The following RNLS variants were observed in gnomAD, a reference collection of about 807,000 sequenced individuals.
The protein encoded by RNLS is renalase.
A neutral mutation model predicts 39.8 loss-of-function variants in RNLS; 39 were observed. The ratio of observed to expected loss-of-function variants is 0.98; its 90% CI spans 0.76 to 1.28. RNLS has a LOEUF of 1.28. Ranked by LOEUF, RNLS falls within the 50% of genes most tolerant of loss-of-function variation. The probability of loss-of-function intolerance (pLI) is 0.00; values close to 1 mark genes in which losing one functional copy is unlikely to be tolerated. For synonymous variants in RNLS, 147 were observed against 150.7 expected (o/e 0.98, Z 0.18); for missense variants, 410 against 413.3 (o/e 0.99, Z 0.07).
chr10:88,361,072 T>G lies in RNLS; in HGVS notation c.700+1480A>C, dbSNP rs749740933. On this transcript the variant is annotated intron_variant, in intron 5 of 6. Coordinates refer to ENST00000331772, the MANE Select transcript of RNLS (RefSeq NM_001031709.3). ...TTTGGCTTAGCTGGGGCTATCTTCC[T>G]GGCTTGCAGACAGCTGCCTTCTTAC... Among the ~76,000 whole-genome samples the G allele has an allele frequency of 1.4e-3, 207 of 152,330 alleles. 1 individual carries two copies. Among genetic ancestry groups the G allele is most frequent in the Middle Eastern group, 3.4e-3 (1 of 294 alleles).
the RNLS span, among the ~76,000 whole-genome samples, chr10:88,208,484 C>T: frequency 6.6e-6 from 1 of 152,040 alleles, no homozygotes; most frequent in Non-Finnish European, 1.5e-5. Context: ...TCCCCTAGAG[C>T]CACTGTAGTT....
chr10:88,302,558 A>G (rs1194583380), intron 6 of RNLS, among the ~76,000 whole-genome samples: 1 of 152,190 alleles, frequency 6.6e-6, no homozygotes, highest in Non-Finnish European at 1.5e-5. Flanking sequence ...TTTAATTGTT[A>G]AGACTGACCA....
chr10:88,497,172 G>A (rs997973025), intron 4 of RNLS, among the ~76,000 whole-genome samples: 2 of 151,912 alleles, frequency 1.3e-5, no homozygotes, highest in East Asian at 1.9e-4. Context: ...GAAGACAAAC[G>A]GAAATTGTTG....
intron 4 of RNLS, among the ~76,000 whole-genome samples, chr10:88,540,953 T>C (rs1848003313): frequency 6.6e-6 from 1 of 151,420 alleles, no homozygotes; most frequent in African/African-American, 2.4e-5. Flanking sequence ...AGTCACATTT[T>C]GTTATATTAT....
chr10:88,297,682 TA>T (rs911653302), intron 6 of RNLS, among the ~76,000 whole-genome samples: 3 of 152,344 alleles, frequency 2.0e-5, no homozygotes, highest in African/African-American at 7.2e-5. Context: ...CATCCCTTTT[TA>T]TGGCTGAATG....
At chr10:88,372,008 A>G (rs1454956677) in intron 4 of RNLS, among the ~76,000 whole-genome samples, 1 of 152,194 alleles carries the variant, frequency 6.6e-6, no homozygotes, top group East Asian at 1.9e-4. Flanking sequence ...AGAAAAGAAC[A>G]TAAAGACACT....
intron 4 of RNLS, among the ~76,000 whole-genome samples, chr10:88,464,862 G>A (rs1589838702): frequency 6.6e-6 from 1 of 152,066 alleles, no homozygotes; most frequent in East Asian, 1.9e-4. Flanking sequence ...GCAATCCCCT[G>A]ATACAAAATC....
At chr10:88,211,599 C>A in the RNLS span, among the ~76,000 whole-genome samples, 2 of 152,040 alleles carry the variant, frequency 1.3e-5, no homozygotes, top group Non-Finnish European at 2.9e-5. Flanking sequence ...GGGGAAAAGA[C>A]GGGATAACAT....
At chr10:88,492,747 T>C (rs1844958449) in intron 4 of RNLS, among the ~76,000 whole-genome samples, 1 of 151,986 alleles carries the variant, frequency 6.6e-6, no homozygotes, top group Admixed American at 6.6e-5. Context: ...TACTTTTTTC[T>C]CCCCAGTTTT....
the RNLS span, among the ~76,000 whole-genome samples, chr10:88,267,110 A>G: frequency 6.6e-6 from 1 of 151,980 alleles, no homozygotes; most frequent in African/African-American, 2.4e-5. Flanking sequence ...TTTCATAGGC[A>G]TTTTCCTTCT....
intron 4 of RNLS, among the ~76,000 whole-genome samples, chr10:88,568,790 C>T (rs1467471856): frequency 2.0e-5 from 3 of 152,178 alleles, no homozygotes; most frequent in East Asian, 1.9e-4. Context: ...GTTTACAAGG[C>T]GAGTCACTTT....
At chr10:88,478,518 T>C (rs1461883423) in intron 4 of RNLS, among the ~76,000 whole-genome samples, 1 of 152,176 alleles carries the variant, frequency 6.6e-6, no homozygotes, top group Non-Finnish European at 1.5e-5. Context: ...TCCCTTTATA[T>C]GTGGCCCTAC....
At chr10:88,339,434 G>T (rs1417875984) in intron 5 of RNLS, among the ~76,000 whole-genome samples, 1 of 152,146 alleles carries the variant, frequency 6.6e-6, no homozygotes, top group Non-Finnish European at 1.5e-5. Context: ...TCAGGGCAGA[G>T]ATTTTTTTAC....
chr10:88,525,539 C>G (rs1847058766), intron 4 of RNLS, among the ~76,000 whole-genome samples: 1 of 152,020 alleles, frequency 6.6e-6, no homozygotes, highest in Non-Finnish European at 1.5e-5. Flanking sequence ...TTCCTGGGCC[C>G]TGCGTATGTA....
chr10:88,543,798 G>A (rs1473604168), intron 4 of RNLS, among the ~76,000 whole-genome samples: 3 of 152,142 alleles, frequency 2.0e-5, no homozygotes, highest in African/African-American at 4.8e-5. Context: ...CTAAAAACCA[G>A]TTTGTAAAAT....
chr10:88,526,795 A>C (rs548698025), intron 4 of RNLS, among the ~76,000 whole-genome samples: 1 of 151,930 alleles, frequency 6.6e-6, no homozygotes, highest in Non-Finnish European at 1.5e-5. Context: ...AAGCTACTGA[A>C]TAGTAGAAAA....
chr10:88,432,629 A>G (rs1479765236), intron 4 of RNLS, among the ~76,000 whole-genome samples: 1 of 151,950 alleles, frequency 6.6e-6, no homozygotes, highest in East Asian at 1.9e-4. Flanking sequence ...TATGAGCTAT[A>G]GCTCTTGGTT....
chr10:88,343,411 C>T lies in RNLS; in HGVS notation c.700+19141G>A, dbSNP rs1455414622. On this transcript the variant is annotated intron_variant, in intron 5 of 6. Coordinates refer to ENST00000331772, the MANE Select transcript of RNLS (RefSeq NM_001031709.3). ...CAAAAAAGCTAGGAGATTGGTGGCT[C>T]CATTTTCAAAAATGGGAAAGATGGG... 13 of 481,020 alleles carry T rather than the reference C, an allele frequency of 2.7e-5. No individual in the cohort carries two copies. The Admixed American group carries it at 4.5e-4, about 17-fold the overall frequency. 29.8% of individuals were successfully genotyped at this position (481,020 alleles called of 1,614,324 possible).
At chr10:88,556,081 G>C (rs1848858979) in intron 4 of RNLS, among the ~76,000 whole-genome samples, 2 of 152,006 alleles carry the variant, frequency 1.3e-5, no homozygotes, top group African/African-American at 2.4e-5. Flanking sequence ...TTCTCTTCTT[G>C]ATTCCCAGTT....
Sources: gnomAD v4.1 joint callset for allele counts (sites outside exome capture counted in the v4.1 genomes callset) on GRCh38, gnomAD v4.1.1 for gene constraint, MANE v1.5 for transcripts, NCBI Gene and HGNC (gene_info 2026-07-23, HGNC 2026-07-21) for gene names.